The following TUBGCP2 variants were observed in gnomAD, a reference collection of about 807,000 sequenced individuals.
The protein encoded by TUBGCP2 is tubulin gamma complex component 2.
Under a neutral mutation model 92.2 loss-of-function variants are expected in TUBGCP2, and 55 were observed. The ratio of observed to expected loss-of-function variants is 0.60; its 90% CI spans 0.48 to 0.75. The LOEUF (loss-of-function observed/expected upper bound fraction) is 0.75, where lower values mean the gene tolerates loss of function less well. Among genes scored for constraint, TUBGCP2 ranks in the 30% least tolerant of loss-of-function variants. The pLI is 0.00. For missense variants in TUBGCP2, 1,093 were observed against 1,188.9 expected (o/e 0.92, Z 1.19); for synonymous variants, 533 against 505.2 (o/e 1.06, Z -0.74).
At position 133,285,756 on chromosome 10, in the gene TUBGCP2, T is replaced by A; in HGVS notation, c.1723-128A>T. ...GTTCCCTACATTCCGATTCTAAATA[T>A]CAGAGGCTTTTCAAAAACCCAAACA... On this transcript the variant is annotated intron_variant, in intron 11 of 17. Transcript: ENST00000252936. The surrounding 1 kb of genome is among the most constrained non-coding windows in gnomAD (Gnocchi z 6.8). 3.3e-6 allele frequency: 3 copies of A among 912,892 alleles called. No individual in the cohort carries two copies. Among genetic ancestry groups the A allele is most frequent in the Admixed American group, 3.8e-5 (1 of 26,102 alleles). The allele number at this position is 912,892 out of a possible 1,614,324, so 56.5% of individuals were successfully genotyped here.
intron 10 of TUBGCP2, 67 bp from the exon 11 acceptor site, chr10:133,288,376 G>C: frequency 6.4e-7 from 1 of 1,562,292 alleles, no homozygotes; most frequent in Admixed American, 1.9e-5. Context: ...GGGAGCAGGC[G>C]TGAGCACGTG....
At position 133,293,720 on chromosome 10, in the gene TUBGCP2, C is replaced by CA; in HGVS notation, c.665dup (p.Tyr223ValfsTer56). The CA allele has an allele frequency of 6.2e-7, 1 of 1,605,174 alleles. No homozygotes were observed. Reference sequence around the variant, plus strand: ...TCCCGTCCACGCCCACCAGCACGTACAGCAGGTCCTCCACCACGGCCGACT... The same window carrying CA: ...TCCCGTCCACGCCCACCAGCACGTACAAGCAGGTCCTCCACCACGGCCGACT... On this transcript the variant is annotated frameshift_variant, in exon 6 of 18. Coordinates refer to ENST00000252936, the MANE Select transcript of TUBGCP2 (RefSeq NM_006659.4). LOFTEE classifies it high-confidence loss of function.
upstream of TUBGCP2, chr10:133,308,941 G>A (rs1251269534): frequency 4.1e-6 from 5 of 1,228,080 alleles, no homozygotes; most frequent in Admixed American, 4.3e-5. Flanking sequence ...CGCGCCCGGG[G>A]TGATGCAGTT....
At chr10:133,299,644 C>A (rs1346039008) in intron 3 of TUBGCP2, 41 bp from the exon 4 acceptor site, 2 of 1,531,568 alleles carry the variant, frequency 1.3e-6, no homozygotes, top group Non-Finnish European at 1.8e-6. Flanking sequence ...TGGGCCAGCA[C>A]CTCTTTGGCC....
intron 10 of TUBGCP2, 133 bp from the exon 11 acceptor site, chr10:133,288,442 G>A (rs1847190144): frequency 3.7e-6 from 4 of 1,089,930 alleles, no homozygotes; most frequent in Admixed American, 2.8e-5. Context: ...GTGCCCACCC[G>A]CAGGTGCCCG....
At chr10:133,281,234 G>T in intron 17 of TUBGCP2, 39 bp downstream of exon 17, 1 of 1,601,066 alleles carries the variant, frequency 6.2e-7, no homozygotes, top group Non-Finnish European at 8.5e-7. Context: ...GCGCTGGACT[G>T]AGCTGAGGAA....
rs780179871 is a variant in TUBGCP2 at position 133,283,189 on chromosome 10, G to A, written c.2178C>T (p.His726=). ...TCAGGCAGGTGTCCAGGAAGCCTGT[G>A]TGGTGGCCAAGGACGTCGTCAATGT... ...ASNIDDVLGH[H]TGFLDTCLKD... Residue 726 remains histidine, a synonymous_variant, in exon 15 of 18, where the codon CAC becomes CAT. Coordinates refer to ENST00000252936, the MANE Select transcript of TUBGCP2 (RefSeq NM_006659.4). 1 of 1,614,256 alleles carries A rather than the reference G, an allele frequency of 6.2e-7. No individual in the cohort carries two copies. The highest frequency in any genetic ancestry group is 8.5e-7 in the Non-Finnish European group (1 of 1,180,054).
Position 133,298,079 on chromosome 10 carries a change from G to C in TUBGCP2, c.489C>G (p.Asp163Glu). ...GGCCTGAATTTTTTTTGTTCTGCTTGTCTCGAAGCATCTTTCTTTTAAGTT... is the reference window on the plus strand; with the variant it reads ...GGCCTGAATTTTTTTTGTTCTGCTTCTCTCGAAGCATCTTTCTTTTAAGTT... The part of the protein sequence containing the change: ...SLELKRKMLR[D>E]KQNKKNSGQH... Residue 163 changes from aspartate to glutamate, a missense_variant, in exon 5 of 18, where the codon GAC becomes GAG. Asp to Glu is a conservative substitution (Grantham distance 45, BLOSUM62 2). Transcript: ENST00000252936. 6.2e-7 allele frequency: 1 copy of C among 1,614,080 alleles called. No homozygotes were observed.
intron 2 of TUBGCP2, chr10:133,302,522 T>C (rs1217925388): frequency 7.8e-6 from 3 of 385,854 alleles, no homozygotes; most frequent in East Asian, 1.0e-4. Flanking sequence ...TCATGCACCC[T>C]GACCCAGGGA....
chr10:133,303,091 C>T, intron 1 of TUBGCP2, 111 bp from the exon 2 acceptor site: 1 of 951,394 alleles, frequency 1.1e-6, no homozygotes, highest in Non-Finnish European at 1.5e-6. Flanking sequence ...AAGTTATCAC[C>T]TGGCCTGCCT....
At chr10:133,280,029 G>C in intron 17 of TUBGCP2, 128 bp from the exon 18 acceptor site, 1 of 1,393,942 alleles carries the variant, frequency 7.2e-7, no homozygotes, top group Non-Finnish European at 9.6e-7. Flanking sequence ...GGGCAGCAGG[G>C]GTGAGGAAGG....
rs773142641 is a variant in TUBGCP2 at position 133,282,268 on chromosome 10, C to T, written c.2364G>A (p.Leu788=). ...QTLEHSTVLG[L]PAGAEERARK... ...GGGCCCGCTCCTCGGCCCCTGCGGG[C>T]AGCCCCAGGACGGTGCTGTGCTCCA... Residue 788 remains leucine, a synonymous_variant, in exon 16 of 18, where the codon CTG becomes CTA. Coordinates refer to ENST00000252936, the MANE Select transcript of TUBGCP2 (RefSeq NM_006659.4). 6.2e-7 allele frequency: 1 copy of T among 1,611,584 alleles called. No individual in the cohort carries two copies. Among genetic ancestry groups the T allele is most frequent in the Non-Finnish European group, 8.5e-7 (1 of 1,179,222 alleles).
chr10:133,282,438 C>T, intron 15 of TUBGCP2, 96 bp from the exon 16 acceptor site: 1 of 1,463,474 alleles, frequency 6.8e-7, no homozygotes, highest in South Asian at 1.4e-5. Context: ...CCCTCCGCAC[C>T]TCTGTTGTAG....
Position 133,285,904 on chromosome 10 carries a change from A to T in TUBGCP2, c.1723-276T>A, listed in dbSNP as rs1847124518. 6.6e-6 allele frequency among the ~76,000 whole-genome samples: 1 copy of T among 152,200 alleles called. No homozygotes were observed. Among genetic ancestry groups the T allele is most frequent in the African/African-American group, 2.4e-5 (1 of 41,460 alleles). ...GGGTGGTATAAGGGAAAAACCGCTA[A>T]GGACGGTGAAAGAAACGTGATTCCT... On this transcript the variant is annotated intron_variant, in intron 11 of 17. Coordinates refer to ENST00000252936, the MANE Select transcript of TUBGCP2 (RefSeq NM_006659.4). This position sits in a 1 kb window ranked among gnomAD's most constrained non-coding sequence, Gnocchi z 6.8.
chr10:133,306,911 G>C (rs1325477308), intron 1 of TUBGCP2, among the ~76,000 whole-genome samples: 1 of 152,214 alleles, frequency 6.6e-6, no homozygotes, highest in African/African-American at 2.4e-5. Flanking sequence ...TGCTCTCCCT[G>C]AATGTGGGGA....
chr10:133,289,730 A>G, intron 9 of TUBGCP2, 94 bp downstream of exon 9: 1 of 1,383,652 alleles, frequency 7.2e-7, no homozygotes, highest in Non-Finnish European at 9.6e-7. Context: ...CCACAGGGTG[A>G]GGCACAGGCT....
At chr10:133,302,734 AC>A in intron 2 of TUBGCP2, 57 bp downstream of exon 2, 1 of 1,604,290 alleles carries the variant, frequency 6.2e-7, no homozygotes, top group South Asian at 1.1e-5. Flanking sequence ...ACCCTGCACC[AC>A]CCTGACCCAG....
chr10:133,311,606 A>AAT (rs1417460303), upstream of TUBGCP2: 2 of 946,012 alleles, frequency 2.1e-6, no homozygotes, highest in African/African-American at 3.3e-5. Context: ...ATAGTAAGAA[A>AAT]ATATGCTACT....
Position 133,279,450 on chromosome 10 carries a change from C to T in TUBGCP2, c.*316G>A. 3.0e-6 allele frequency: 1 copy of T among 331,186 alleles called. No homozygotes were observed. Among genetic ancestry groups the T allele is most frequent in the South Asian group, 3.9e-5 (1 of 25,854 alleles). 20.5% of individuals were successfully genotyped at this position (331,186 alleles called of 1,614,324 possible). ...ATGTGGACACCAGGCCTGGATCTTA[C>T]CCCACATGCATCTTTGCTTGCTCCT... On this transcript the variant is annotated 3_prime_UTR_variant, in exon 18 of 18. Coordinates refer to ENST00000252936, the MANE Select transcript of TUBGCP2 (RefSeq NM_006659.4).
Sources: allele counts gnomAD v4.1 joint callset (sites outside exome capture counted in the v4.1 genomes callset), GRCh38; gene constraint gnomAD v4.1.1; non-coding constraint Gnocchi (gnomAD v3.1); transcripts MANE v1.5; gene names NCBI Gene and HGNC (gene_info 2026-07-23, HGNC 2026-07-21).